The following SATL1 variants were observed in gnomAD, a reference collection of about 807,000 sequenced individuals.
SATL1 encodes spermidine/spermine N(1)-acetyltransferase-like protein 1.
SATL1 carries 47 observed loss-of-function variants against 51.8 expected under a neutral mutation model. The ratio of observed to expected loss-of-function variants is 0.91; its 90% CI spans 0.72 to 1.16. The LOEUF (loss-of-function observed/expected upper bound fraction) is 1.16, where lower values mean the gene tolerates loss of function less well. Ranked by LOEUF, SATL1 falls within the 50% of genes most tolerant of loss-of-function variation. The probability of loss-of-function intolerance (pLI) is 0.00; values close to 1 mark genes in which losing one functional copy is unlikely to be tolerated. For synonymous variants in SATL1, 176 were observed against 182.4 expected, an observed-to-expected ratio of 0.97 and a Z score of 0.28; for missense variants, 520 against 526.4, an observed-to-expected ratio of 0.99 and a Z score of 0.12.
chrX:85,152,456 C>G (rs1447975152), intron 2 of SATL1, among the ~76,000 whole-genome samples: 2 of 111,743 alleles, frequency 1.8e-5, no homozygotes, highest in African/African-American at 6.5e-5. Context: ...ACCCAGCCAT[C>G]CCATTACTGG....
chrX:85,113,395 A>G (rs1056907009), intron 2 of SATL1, among the ~76,000 whole-genome samples: 1 of 111,528 alleles, frequency 9.0e-6, no homozygotes, highest in Non-Finnish European at 1.9e-5. Flanking sequence ...TGGGGTTGCT[A>G]GCTGATTTCA....
intron 2 of SATL1, among the ~76,000 whole-genome samples, chrX:85,138,362 G>A (rs779331011): frequency 4.3e-4 from 48 of 111,790 alleles, no homozygotes; most frequent in Admixed American, 4.8e-4. Flanking sequence ...AGTTTTCCTG[G>A]AGCCTCCTTA....
chrX:85,103,648 A>G (rs1418950679), intron 4 of SATL1, among the ~76,000 whole-genome samples: 2 of 111,863 alleles, frequency 1.8e-5, no homozygotes, highest in Admixed American at 9.5e-5. Flanking sequence ...GCTGAAGTCT[A>G]TTGGAGCTGT....
chrX:85,154,869 G>C (rs2147724415), intron 2 of SATL1, among the ~76,000 whole-genome samples: 1 of 111,999 alleles, frequency 8.9e-6, no homozygotes, highest in Non-Finnish European at 1.9e-5. Flanking sequence ...ATTTTATATT[G>C]GTAAATTCGA....
rs149194130 is a variant in SATL1, at chrX:85,104,696, C to T, written c.1642-781G>A. On this transcript the variant is annotated intron_variant, in intron 3 of 7. Transcript: ENST00000644105. ...TACCAAAATCTGAGAGTGTTCAAGC[C>T]CCTTATATAGCAGAGTATTTGCATG... Among the ~76,000 whole-genome samples the T allele has an allele frequency of 4.8e-3, 532 of 110,739 alleles. 3 individuals carry two copies. Among genetic ancestry groups the T allele is most frequent in the African/African-American group, 0.017 (507 of 30,558 alleles).
chrX:85,129,897 G>GAGAT (rs763187248), intron 2 of SATL1, among the ~76,000 whole-genome samples: 1 of 111,818 alleles, frequency 8.9e-6, no homozygotes, highest in East Asian at 2.8e-4. Context: ...TGCATCTATT[G>GAGAT]AGATAATCAT....
At chrX:85,211,493 T>C (rs1014039976) in intron 2 of SATL1, 10 of 111,820 alleles carry the variant, frequency 8.9e-5, no homozygotes, top group African/African-American at 3.2e-4. Context: ...CTAGAATATG[T>C]TGTGGCTATT....
intron 2 of SATL1, among the ~76,000 whole-genome samples, chrX:85,159,638 TG>T (rs754346976): frequency 1.8e-5 from 2 of 111,404 alleles, no homozygotes; most frequent in African/African-American, 3.3e-5. Flanking sequence ...TATTTTACCA[TG>T]TTTTTTTTCA....
At chrX:85,220,668 A>AAC (rs1928155370) in intron 2 of SATL1, among the ~76,000 whole-genome samples, 1 of 91,254 alleles carries the variant, frequency 1.1e-5, no homozygotes, top group Admixed American at 1.2e-4. Context: ...AAAAAAAAAA[A>AAC]AAAAAAAAAA....
chrX:85,107,613 G>A lies in SATL1; in HGVS notation c.1356C>T (p.Ser452=). 1 of 1,212,238 alleles carries A rather than the reference G, an allele frequency of 8.2e-7. No homozygotes were observed. The highest frequency in any genetic ancestry group is 1.1e-6 in the Non-Finnish European group (1 of 895,636). ...WQPGMSQQVP[S]QLGMRQPGTS... ...TGCCTGGTTGTCTCATGCCTAGTTG[G>A]CTGGGGACTTGCTGGCTCATGCCTG... The change falls in exon 3 of 8, where the codon AGC becomes AGT. Residue 452 remains serine, a synonymous_variant. Coordinates refer to ENST00000644105, the MANE Select transcript of SATL1 (RefSeq NM_001367857.2).
intron 1 of SATL1, 45 bp from the exon 2 acceptor site, chrX:85,224,371 T>C (rs1440050542): frequency 9.0e-6 from 1 of 111,376 alleles, no homozygotes; most frequent in African/African-American, 3.3e-5. Context: ...TCACATATTT[T>C]GTCACATAAG....
chrX:85,190,676 T>C (rs759163841), intron 2 of SATL1, among the ~76,000 whole-genome samples: 1 of 111,760 alleles, frequency 8.9e-6, no homozygotes, highest in African/African-American at 3.2e-5. Context: ...TACACAGTTC[T>C]ATAAAATAAC....
At chrX:85,190,429 A>G (rs770343950) in intron 2 of SATL1, among the ~76,000 whole-genome samples, 1 of 111,716 alleles carries the variant, frequency 9.0e-6, no homozygotes, top group African/African-American at 3.3e-5. Flanking sequence ...AAGGAACTCA[A>G]TCTCACTTTC....
In SATL1 at chrX:85,108,869, T is replaced by C. The variant is rs766850384; in HGVS notation, c.100A>G (p.Met34Val). ...TNSLGMNQMD[M>V]NQGSASLYEM... ...TATAGGCTTGCACTCCCTTGGTTCA[T>C]GTCCATTTGGTTCATACCAAGTGAG... The change falls in exon 3 of 8, where the codon ATG becomes GTG. Residue 34 changes from methionine (M) to valine (V), a missense_variant. By Grantham distance (21) the Met-to-Val change is conservative. Coordinates refer to ENST00000644105, the MANE Select transcript of SATL1 (RefSeq NM_001367857.2). 20 of 1,212,039 alleles carry C rather than the reference T, an allele frequency of 1.7e-5. No homozygotes were observed. Among genetic ancestry groups the C allele is most frequent in the East Asian group, 1.2e-4 (4 of 33,837 alleles).
At chrX:85,194,494 T>C (rs1927508672) in intron 2 of SATL1, among the ~76,000 whole-genome samples, 1 of 110,869 alleles carries the variant, frequency 9.0e-6, no homozygotes. Context: ...TGAGAGACTG[T>C]GTAAAGGGGT....
intron 2 of SATL1, among the ~76,000 whole-genome samples, chrX:85,142,115 G>C (rs777358236): frequency 9.3e-6 from 1 of 107,355 alleles, no homozygotes; most frequent in Non-Finnish European, 1.9e-5. Flanking sequence ...TTGAAGTAGA[G>C]GCCGGTCACG....
intron 2 of SATL1, among the ~76,000 whole-genome samples, chrX:85,164,479 C>T (rs1006578557): frequency 1.8e-5 from 2 of 111,235 alleles, no homozygotes; most frequent in African/African-American, 6.5e-5. Flanking sequence ...AAGACTTTAT[C>T]TCTCATTCAT....
chrX:85,190,720 G>A (rs73234630), intron 2 of SATL1, among the ~76,000 whole-genome samples: 2,120 of 110,966 alleles, frequency 0.019, 23 homozygotes, highest in Middle Eastern at 0.042. Flanking sequence ...CAAAAAATTA[G>A]CCTCATTATG....
chrX:85,223,125 A>C (rs1270998970), intron 2 of SATL1, among the ~76,000 whole-genome samples: 1 of 111,832 alleles, frequency 8.9e-6, no homozygotes, highest in Admixed American at 9.5e-5. Context: ...CTTTTATTTT[A>C]ATAGATGTTT....
Sources: gnomAD v4.1 joint callset for allele counts (sites outside exome capture counted in the v4.1 genomes callset) on GRCh38, gnomAD v4.1.1 for gene constraint, MANE v1.5 for transcripts, NCBI Gene and HGNC (gene_info 2026-07-23, HGNC 2026-07-21) for gene names.